Variants in LRRTM3 observed in about 807,000 individuals in gnomAD.
The protein encoded by LRRTM3 is leucine rich repeat transmembrane neuronal 3.
LRRTM3 carries 24 observed loss-of-function variants against 44.7 expected under a neutral mutation model. That is an observed-to-expected ratio of 0.54 (90% confidence interval 0.39 to 0.76). LRRTM3 has a LOEUF of 0.76. Ranked by LOEUF, LRRTM3 falls within the 30% of genes least tolerant of loss-of-function variation. The probability of loss-of-function intolerance (pLI) is 0.00; values close to 1 mark genes in which losing one functional copy is unlikely to be tolerated. For missense variants in LRRTM3, 587 were observed against 702.2 expected (o/e 0.84, Z 1.85); for synonymous variants, 277 against 278.7 (o/e 0.99, Z 0.06).
At chr10:67,048,685 T>C (rs1208661157) in intron 2 of LRRTM3, among the ~76,000 whole-genome samples, 1 of 152,114 alleles carries the variant, frequency 6.6e-6, no homozygotes, top group Non-Finnish European at 1.5e-5. Flanking sequence ...GCTCTCACAG[T>C]AAATTTCCAG....
intron 2 of LRRTM3, among the ~76,000 whole-genome samples, chr10:67,002,155 C>T (rs747049401): frequency 1.2e-4 from 19 of 152,192 alleles, no homozygotes; most frequent in Non-Finnish European, 2.5e-4. Context: ...ATTCAATTCA[C>T]TAATTTCCCC....
chr10:67,051,903 C>A (rs1855121434), intron 2 of LRRTM3, among the ~76,000 whole-genome samples: 1 of 151,972 alleles, frequency 6.6e-6, no homozygotes, highest in African/African-American at 2.4e-5. Flanking sequence ...TACAGGCATG[C>A]CCCACTACAG....
At chr10:66,950,419 T>G (rs936181740) in intron 2 of LRRTM3, among the ~76,000 whole-genome samples, 8 of 152,200 alleles carry the variant, frequency 5.3e-5, no homozygotes, top group Non-Finnish European at 8.8e-5. Flanking sequence ...ATATGTTTAA[T>G]AAATGTCTGT....
chr10:67,025,685 CACA>C (rs1316486261), intron 2 of LRRTM3, among the ~76,000 whole-genome samples: 8 of 152,238 alleles, frequency 5.3e-5, no homozygotes, highest in Middle Eastern at 6.8e-3. Context: ...TATATCATTA[CACA>C]ACAACAACAA....
chr10:66,956,972 A>C (rs946031936), intron 2 of LRRTM3, among the ~76,000 whole-genome samples: 12 of 152,214 alleles, frequency 7.9e-5, no homozygotes, highest in Non-Finnish European at 1.6e-4. Context: ...TGGGGAAAGA[A>C]AACTAGTGGT....
intron 2 of LRRTM3, among the ~76,000 whole-genome samples, chr10:66,945,377 A>G (rs1848223901): frequency 6.6e-6 from 1 of 151,940 alleles, no homozygotes; most frequent in Non-Finnish European, 1.5e-5. Context: ...TCATGAACCA[A>G]CCTCTTCTAC....
At chr10:66,991,763 A>C (rs1460954508) in intron 2 of LRRTM3, among the ~76,000 whole-genome samples, 2 of 152,152 alleles carry the variant, frequency 1.3e-5, no homozygotes, top group Non-Finnish European at 2.9e-5. Flanking sequence ...TGCTGTTTAA[A>C]CTTCATAAAG....
intron 2 of LRRTM3, among the ~76,000 whole-genome samples, chr10:66,945,966 G>C (rs1196039418): frequency 6.6e-6 from 1 of 152,150 alleles, no homozygotes; most frequent in Admixed American, 6.5e-5. Flanking sequence ...TAACATCAAA[G>C]ATCATGGATC....
At chr10:67,050,007 T>C (rs1854984145) in intron 2 of LRRTM3, among the ~76,000 whole-genome samples, 1 of 152,232 alleles carries the variant, frequency 6.6e-6, no homozygotes, top group South Asian at 2.1e-4. Context: ...CAGTATCCAT[T>C]TGTAAGTTAG....
chr10:66,935,586 C>A (rs559597596), intron 2 of LRRTM3, among the ~76,000 whole-genome samples: 1 of 151,652 alleles, frequency 6.6e-6, no homozygotes, highest in African/African-American at 2.4e-5. Context: ...ATATTACATA[C>A]GTATTTGTAT....
At chr10:66,993,990 G>C (rs566578067) in intron 2 of LRRTM3, among the ~76,000 whole-genome samples, 6 of 152,180 alleles carry the variant, frequency 3.9e-5, no homozygotes, top group Middle Eastern at 6.8e-3. Flanking sequence ...GATATAGCAG[G>C]ACAATGTAAC....
intron 2 of LRRTM3, among the ~76,000 whole-genome samples, chr10:67,000,808 G>A (rs1463398946): frequency 1.3e-5 from 2 of 152,108 alleles, no homozygotes; most frequent in African/African-American, 4.8e-5. Context: ...AGAGAAGAAT[G>A]CCAGTGCAAT....
chr10:66,961,624 A>G (rs1849112763), intron 2 of LRRTM3, among the ~76,000 whole-genome samples: 1 of 152,100 alleles, frequency 6.6e-6, no homozygotes, highest in African/African-American at 2.4e-5. Context: ...CTACTGATAT[A>G]GACAAATCAA....
chr10:67,082,880 C>T (rs1270898840), intron 2 of LRRTM3, among the ~76,000 whole-genome samples: 1 of 152,082 alleles, frequency 6.6e-6, no homozygotes, highest in Non-Finnish European at 1.5e-5. Context: ...AAGCAACTAA[C>T]CAGATTTTGT....
chr10:66,950,727 T>C (rs913355349), intron 2 of LRRTM3, among the ~76,000 whole-genome samples: 1 of 152,166 alleles, frequency 6.6e-6, no homozygotes, highest in Non-Finnish European at 1.5e-5. Context: ...TGTAGCTACA[T>C]GCAAAACATT....
chr10:66,966,610 A>C (rs1053093148), intron 2 of LRRTM3, among the ~76,000 whole-genome samples: 2 of 152,064 alleles, frequency 1.3e-5, no homozygotes, highest in African/African-American at 4.8e-5. Flanking sequence ...AATTTAATAG[A>C]TCATACACCT....
chr10:66,966,071 C>T (rs916144375), intron 2 of LRRTM3, among the ~76,000 whole-genome samples: 2 of 152,094 alleles, frequency 1.3e-5, no homozygotes, highest in South Asian at 2.1e-4. Flanking sequence ...ACTTGAGAGG[C>T]CTGTACCTCA....
intron 2 of LRRTM3, among the ~76,000 whole-genome samples, chr10:67,017,763 A>C (rs1026263025): frequency 6.6e-6 from 1 of 151,364 alleles, no homozygotes; most frequent in Non-Finnish European, 1.5e-5. Flanking sequence ...GCGCGCGTAC[A>C]ATTTTATGTG....
chr10:66,935,589 A>G (rs1449071111), intron 2 of LRRTM3, among the ~76,000 whole-genome samples: 13 of 151,962 alleles, frequency 8.6e-5, no homozygotes, highest in Admixed American at 8.5e-4. Context: ...TTACATACGT[A>G]TTTGTATTTC....
Sources: gnomAD v4.1 joint callset for allele counts (sites outside exome capture counted in the v4.1 genomes callset) on GRCh38, gnomAD v4.1.1 for gene constraint, MANE v1.5 for transcripts, NCBI Gene and HGNC (gene_info 2026-07-23, HGNC 2026-07-21) for gene names.